Variants in COBL observed in about 807,000 individuals in gnomAD.
COBL encodes protein cordon-bleu.
In COBL, 51 loss-of-function variants were observed where a neutral mutation model predicts 98.8. That is an observed-to-expected ratio of 0.52 (90% CI 0.41 to 0.65). COBL has a LOEUF of 0.65. Among genes scored for constraint, COBL ranks in the 30% least tolerant of loss-of-function variants. COBL has a pLI of 0.00. For synonymous variants in COBL, 634 were observed against 651.7 expected (o/e 0.97, Z 0.41); for missense variants, 1,617 against 1,617.5 (o/e 1.00, Z 0.01).
chr7:51,266,150 A>G (rs1798182551), intron 1 of COBL, among the ~76,000 whole-genome samples: 1 of 152,264 alleles, frequency 6.6e-6, no homozygotes, highest in African/African-American at 2.4e-5. Flanking sequence ...GGGCAAATTA[A>G]TTACAAAACA....
At chr7:51,306,177 C>A (rs1318875355) in intron 1 of COBL, among the ~76,000 whole-genome samples, 1 of 152,098 alleles carries the variant, frequency 6.6e-6, no homozygotes, top group Admixed American at 6.5e-5. Context: ...AACCTAGAGG[C>A]GGCTTGGAAG....
intron 5 of COBL, among the ~76,000 whole-genome samples, chr7:51,181,243 A>C (rs1212702311): frequency 6.6e-6 from 1 of 152,232 alleles, no homozygotes. Flanking sequence ...GAAATGAAAT[A>C]AATACACTTT....
chr7:51,266,188 A>G (rs1414847733), intron 1 of COBL, among the ~76,000 whole-genome samples: 1 of 152,248 alleles, frequency 6.6e-6, no homozygotes, highest in Non-Finnish European at 1.5e-5. Context: ...CTGTATGGAC[A>G]CTAAATACAT....
intron 7 of COBL, among the ~76,000 whole-genome samples, chr7:51,084,636 C>T (rs1429583538): frequency 1.3e-5 from 2 of 152,148 alleles, no homozygotes; most frequent in Non-Finnish European, 2.9e-5. Context: ...ATTCCATCTT[C>T]TTTCCTCTGG....
intron 7 of COBL, among the ~76,000 whole-genome samples, chr7:51,084,909 T>C (rs1040323052): frequency 1.3e-5 from 2 of 152,058 alleles, no homozygotes; most frequent in African/African-American, 4.8e-5. Flanking sequence ...TTTCACCCTC[T>C]CCCGGCTCCT....
chr7:51,153,229 G>C (rs1444143845), intron 5 of COBL, among the ~76,000 whole-genome samples: 2 of 152,086 alleles, frequency 1.3e-5, no homozygotes, highest in African/African-American at 4.8e-5. Context: ...TACAAAAGTT[G>C]GTCTTAGGCT....
intron 5 of COBL, among the ~76,000 whole-genome samples, chr7:51,152,475 C>A (rs1168681885): frequency 6.6e-6 from 1 of 152,174 alleles, no homozygotes; most frequent in African/African-American, 2.4e-5. Context: ...GGGCTGATTG[C>A]ATTTTTATAG....
chr7:51,130,686 C>T (rs1798654620), intron 6 of COBL, among the ~76,000 whole-genome samples: 1 of 152,210 alleles, frequency 6.6e-6, no homozygotes, highest in Non-Finnish European at 1.5e-5. Flanking sequence ...CTCTGCGGAA[C>T]AGGATCAAGA....
At chr7:51,045,002 G>A (rs1047528268) in intron 7 of COBL, among the ~76,000 whole-genome samples, 2 of 152,228 alleles carry the variant, frequency 1.3e-5, no homozygotes, top group East Asian at 1.9e-4. Flanking sequence ...GTAAACGTAC[G>A]AGGAGATATG....
chr7:51,229,685 T>G (rs1467163566), intron 1 of COBL, among the ~76,000 whole-genome samples: 1 of 152,212 alleles, frequency 6.6e-6, no homozygotes, highest in Non-Finnish European at 1.5e-5. Context: ...GAGTTTTGAT[T>G]TTTTTCTTCT....
intron 6 of COBL, among the ~76,000 whole-genome samples, chr7:51,101,961 C>G (rs564098636): frequency 6.6e-6 from 1 of 152,172 alleles, no homozygotes; most frequent in South Asian, 2.1e-4. Context: ...GTTGGTGAAG[C>G]CTTCATGAAT....
intron 1 of COBL, among the ~76,000 whole-genome samples, chr7:51,243,743 G>A (rs549821243): frequency 6.6e-6 from 1 of 152,186 alleles, no homozygotes; most frequent in Non-Finnish European, 1.5e-5. Context: ...TCGGAGTTGG[G>A]GACGGCAGGA....
intron 7 of COBL, chr7:51,072,652 T>C (rs1792678219): frequency 1.3e-5 from 2 of 152,346 alleles, no homozygotes; most frequent in South Asian, 4.1e-4. Context: ...GTTTAGTGAA[T>C]AAATGGGTGA....
chr7:51,299,808 A>G (rs1801750649), intron 1 of COBL, among the ~76,000 whole-genome samples: 1 of 152,100 alleles, frequency 6.6e-6, no homozygotes, highest in African/African-American at 2.4e-5. Context: ...AATACAGGAA[A>G]AGCTCTCCAT....
intron 1 of COBL, among the ~76,000 whole-genome samples, chr7:51,244,054 T>G (rs1185115000): frequency 1.3e-5 from 2 of 152,182 alleles, no homozygotes; most frequent in Admixed American, 1.3e-4. Flanking sequence ...TTTCCCCATG[T>G]TGGTCCCTGC....
chr7:51,225,390 G>A (rs1360418948), intron 1 of COBL, among the ~76,000 whole-genome samples: 1 of 152,192 alleles, frequency 6.6e-6, no homozygotes, highest in Non-Finnish European at 1.5e-5. Context: ...ATCAGACCTG[G>A]GACCTTGCCC....
chr7:51,016,672 C>A lies in COBL; in HGVS notation c.*879G>T. The A allele has an allele frequency of 3.0e-6, 1 of 334,554 alleles. No homozygotes were observed. 20.7% of individuals were successfully genotyped at this position (334,554 alleles called of 1,614,324 possible). ...GAACTCTTGACAGGTGGGCATCCAA[C>A]ATCCCTGCTCCTTGACCCTCTGCAG... On this transcript the variant is annotated 3_prime_UTR_variant, in exon 13 of 13. Coordinates refer to ENST00000265136, the MANE Select transcript of COBL (RefSeq NM_015198.5).
chr7:51,227,165 A>C (rs1362411136), intron 1 of COBL, among the ~76,000 whole-genome samples: 1 of 152,190 alleles, frequency 6.6e-6, no homozygotes, highest in Non-Finnish European at 1.5e-5. Context: ...TCTTCAGTGA[A>C]GGTTTCCAGC....
At chr7:51,213,877 G>A (rs1253917772) in intron 2 of COBL, among the ~76,000 whole-genome samples, 1 of 152,070 alleles carries the variant, frequency 6.6e-6, no homozygotes, top group Non-Finnish European at 1.5e-5. Flanking sequence ...AGTCTGTGAG[G>A]GCTCTCATGA....
Sources: allele counts gnomAD v4.1 joint callset (sites outside exome capture counted in the v4.1 genomes callset), GRCh38; gene constraint gnomAD v4.1.1; transcripts MANE v1.5; gene names NCBI Gene and HGNC (gene_info 2026-07-23, HGNC 2026-07-21).